Variants in XRCC3 observed in about 807,000 individuals in gnomAD.
XRCC3 encodes the protein DNA repair protein XRCC3.
A neutral mutation model predicts 29.2 loss-of-function variants in XRCC3; 34 were observed. That is an observed-to-expected ratio of 1.16 (90% CI 0.88 to 1.55). The LOEUF (loss-of-function observed/expected upper bound fraction) is 1.55, where lower values mean the gene tolerates loss of function less well. XRCC3 is among the 40% of genes most tolerant of loss of function. XRCC3 has a pLI of 0.00. For synonymous variants in XRCC3, 223 were observed against 211.3 expected (o/e 1.06, Z -0.48); for missense variants, 463 against 467.6 (o/e 0.99, Z 0.09).
chr14:103,703,548 C>T (rs990401507), intron 6 of XRCC3: 1 of 586,584 alleles, frequency 1.7e-6, no homozygotes, highest in African/African-American at 1.9e-5. Context: ...TGGGCTGGGT[C>T]TCCACTTCTG....
chr14:103,708,646 CG>C lies in XRCC3; in HGVS notation c.68del (p.Ser23TrpfsTer2), dbSNP rs769719777. 7.4e-6 allele frequency: 12 copies of C among 1,614,134 alleles called. No homozygotes were observed. Among genetic ancestry groups the C allele is most frequent in the Non-Finnish European group, 1.0e-5 (12 of 1,180,022 alleles). On this transcript the variant is annotated frameshift_variant, in exon 5 of 10. Coordinates refer to ENST00000555055, the MANE Select transcript of XRCC3 (RefSeq NM_005432.4). LOFTEE classifies it high-confidence loss of function. ...IAAIKKAKLKSVKEVLHFSGP... is the reference protein window; with the variant it reads ...IAAIKKAKLKXVKEVLHFSGP... The stretch of plus-strand genomic sequence containing the variant: ...CAGAAAAGTGTAAAACCTCCTTTAC[CG>C]ATTTCAGTTTGGCTGAAATAACACA...
At chr14:103,712,095 G>C (rs962011292) in intron 2 of XRCC3, 1 of 180,992 alleles carries the variant, frequency 5.5e-6, no homozygotes, top group Non-Finnish European at 1.1e-5. Context: ...TGTTCAGCCT[G>C]CTCAGGGAGA....
At position 103,698,797 on chromosome 14, in the gene XRCC3, G is replaced by A; in HGVS notation, c.*1C>T. On this transcript the variant is annotated 3_prime_UTR_variant, in exon 10 of 10. Coordinates refer to ENST00000555055, the MANE Select transcript of XRCC3 (RefSeq NM_005432.4). ...AGGGCTGTTGTGCAGCCGCCACCGT[G>A]TCAGTGGGACTGGGTCCCAGGTGTC... 6.3e-7 allele frequency: 1 copy of A among 1,592,838 alleles called. No individual in the cohort carries two copies. Among genetic ancestry groups the A allele is most frequent in the Non-Finnish European group, 8.5e-7 (1 of 1,170,574 alleles).
At position 103,711,046 on chromosome 14, in the gene XRCC3, A is replaced by T. The variant is rs776463599; in HGVS notation, c.42T>A (p.Ala14=). ...AAATAAATGTACCTTTCTTAATTGC[A>T]GCAATAATTCTGGGATTCAGGTCCA... ...DLLDLNPRII[A]AIKKAKLKSV... The change falls in exon 4 of 10, where the codon GCT becomes GCA. Residue 14 remains alanine, a synonymous_variant. Coordinates refer to ENST00000555055, the MANE Select transcript of XRCC3 (RefSeq NM_005432.4). 1.9e-6 allele frequency: 3 copies of T among 1,614,068 alleles called. No individual in the cohort carries two copies. The East Asian group carries it at 6.7e-5, about 36-fold the overall frequency.
At position 103,703,120 on chromosome 14, in the gene XRCC3, A is replaced by G. The variant is rs565380007; in HGVS notation, c.561+53T>C. 130 of 1,545,180 alleles carry G rather than the reference A, an allele frequency of 8.4e-5. 1 individual carries two copies. The highest frequency in any genetic ancestry group is 5.2e-4 in the South Asian group (44 of 84,304). The stretch of plus-strand genomic sequence containing the variant: ...TGCCGTGGTGGCTACACCTGCCCCA[A>G]TGGTCCTGAATAGCTTGCCTTGGGG... On this transcript the variant is annotated intron_variant, in intron 7 of 9. Transcript: ENST00000555055.
chr14:103,701,329 G>T, intron 7 of XRCC3: 2 of 999,916 alleles, frequency 2.0e-6, no homozygotes, highest in Admixed American at 4.4e-5. Flanking sequence ...TCCTGCGTCT[G>T]TGTGCATAGG....
intron 6 of XRCC3, chr14:103,704,099 C>A (rs887736494): frequency 2.6e-5 from 4 of 152,526 alleles, no homozygotes; most frequent in African/African-American, 9.6e-5. Context: ...CCCATCCTTA[C>A]AGTGGGATGA....
intron 7 of XRCC3, chr14:103,702,911 C>T: frequency 1.9e-6 from 1 of 532,030 alleles, no homozygotes; most frequent in Admixed American, 3.2e-5. Flanking sequence ...GCCGTCTGAT[C>T]CCCAAGGCAC....
At position 103,700,077 on chromosome 14, in the gene XRCC3, CTGA is replaced by C; in HGVS notation, c.562-504_562-502del. On this transcript the variant is annotated intron_variant, in intron 7 of 9. Transcript: ENST00000555055. ...TTCAGACGCTCAGCAAGGCAGGGGC[CTGA>C]TGCCCTTCAGGCGTTACTCAGGCGA... The C allele has an allele frequency of 1.8e-5, 4 of 227,400 alleles. No homozygotes were observed. The South Asian group carries it at 2.6e-4, about 15-fold the overall frequency. 14.1% of individuals were successfully genotyped at this position (227,400 alleles called of 1,614,324 possible).
rs948292788 is a variant in XRCC3, at chr14:103,711,193, CG to C, written c.-107del. The C allele has an allele frequency of 1.6e-6, 2 of 1,288,780 alleles. No homozygotes were observed. Among genetic ancestry groups the C allele is most frequent in the Non-Finnish European group, 2.2e-6 (2 of 895,332 alleles). The allele number at this position is 1,288,780 out of a possible 1,614,324, so 79.8% of individuals were successfully genotyped here. ...TTCAATTCAAAGCCTGTGGGAGGCC[CG>C]AACCAGGGAAGTGACAGCAGCCGAG... On this transcript the variant is annotated 5_prime_UTR_variant, in exon 4 of 10. The change creates a premature stop within an existing upstream ORF in the 5' untranslated region. Coordinates refer to ENST00000555055, the MANE Select transcript of XRCC3 (RefSeq NM_005432.4).
intron 7 of XRCC3, chr14:103,700,600 C>T (rs2083093379): frequency 1.7e-5 from 25 of 1,443,520 alleles, no homozygotes; most frequent in Non-Finnish European, 2.3e-5. Context: ...GCTCTGAAGA[C>T]GCCTGAGGGC....
chr14:103,699,346 C>G lies in XRCC3; in HGVS notation c.774+18G>C. On this transcript the variant is annotated intron_variant, in intron 8 of 9. Coordinates refer to ENST00000555055, the MANE Select transcript of XRCC3 (RefSeq NM_005432.4). ...TAAAAATACGAGCTCAGGGGTGCAA[C>G]CCTGCCTTGGTGCTCACCTGGTTGA... 1 of 1,587,374 alleles carries G rather than the reference C, an allele frequency of 6.3e-7. No individual in the cohort carries two copies. The highest frequency in any genetic ancestry group is 1.1e-5 in the South Asian group (1 of 88,602).
chr14:103,708,273 G>A, intron 5 of XRCC3: 1 of 565,380 alleles, frequency 1.8e-6, no homozygotes, highest in Non-Finnish European at 3.2e-6. Context: ...CCCCTCCTCT[G>A]GTCCATGGAG....
intron 2 of XRCC3, 66 bp downstream of exon 2, chr14:103,712,809 T>G (rs2083680988): frequency 6.6e-6 from 1 of 152,366 alleles, no homozygotes; most frequent in Non-Finnish European, 1.5e-5. Context: ...GTCTCCCGCC[T>G]TCAGGACGCG....
Position 103,699,406 on chromosome 14 carries a change from C to CTCACGCAGCG in XRCC3, c.722_731dup (p.Glu244AspfsTer4), listed in dbSNP as rs1567048592. Reference sequence around the variant, plus strand: ...CAGGGCTCTGGAAGGCACTGCTCAGCTCACGCAGCGTGGCCCCCAGGGACT... The same window carrying CTCACGCAGCG: ...CAGGGCTCTGGAAGGCACTGCTCAGCTCACGCAGCGTCACGCAGCGTGGCCCCCAGGGACT... On this transcript the variant is annotated stop_gained and frameshift_variant, in exon 8 of 10. Coordinates refer to ENST00000555055, the MANE Select transcript of XRCC3 (RefSeq NM_005432.4). LOFTEE classifies it high-confidence loss of function. 6.2e-7 allele frequency: 1 copy of CTCACGCAGCG among 1,612,294 alleles called. No individual in the cohort carries two copies. The highest frequency in any genetic ancestry group is 8.5e-7 in the Non-Finnish European group (1 of 1,179,736).
chr14:103,703,844 G>A lies in XRCC3; in HGVS notation c.407-517C>T, dbSNP rs1303843510. ...TCAAAAAGCCAGCTTGAAAAGACAC[G>A]TGTTGGTGAGGATGTGTAGGAGGCA... On this transcript the variant is annotated intron_variant, in intron 6 of 9. Coordinates refer to ENST00000555055, the MANE Select transcript of XRCC3 (RefSeq NM_005432.4). 6 of 213,296 alleles carry A rather than the reference G, an allele frequency of 2.8e-5. No individual in the cohort carries two copies. The South Asian group carries it at 3.1e-4, about 11-fold the overall frequency. The allele number at this position is 213,296 out of a possible 1,614,324, so 13.2% of individuals were successfully genotyped here.
At chr14:103,710,742 CAA>C (rs374609724) in intron 4 of XRCC3, 140 of 309,382 alleles carry the variant, frequency 4.5e-4, no homozygotes, top group East Asian at 1.0e-3. Flanking sequence ...ACCCCGTCTC[CAA>C]AAAAAAAAAA....
chr14:103,707,992 G>A (rs993512474), intron 5 of XRCC3: 1 of 225,216 alleles, frequency 4.4e-6, no homozygotes, highest in Non-Finnish European at 8.9e-6. Context: ...CGTTCCTCGG[G>A]GCCTGGGCCA....
chr14:103,703,738 C>T (rs938871623), intron 6 of XRCC3: 4 of 293,462 alleles, frequency 1.4e-5, no homozygotes, highest in Non-Finnish European at 2.7e-5. Context: ...TGAGCCCCGA[C>T]ACATGGCCAC....
Sources: gnomAD v4.1 joint callset for allele counts on GRCh38, gnomAD v4.1.1 for gene constraint, MANE v1.5 for transcripts, NCBI Gene and HGNC (gene_info 2026-07-23, HGNC 2026-07-21) for gene names.